CRADD: variants seen among roughly 807,000 people sequenced by gnomAD.
CRADD encodes death domain-containing protein CRADD.
A neutral mutation model predicts 15.5 loss-of-function variants in CRADD; 9 were observed. The ratio of observed to expected loss-of-function variants is 0.58; its 90% CI spans 0.35 to 1.01. The LOEUF (loss-of-function observed/expected upper bound fraction) is 1.01, where lower values mean the gene tolerates loss of function less well. Among genes scored for constraint, CRADD ranks in the 50% least tolerant of loss-of-function variants. CRADD has a pLI of 0.02. For synonymous variants in CRADD, 118 were observed against 107.6 expected (o/e 1.10, Z -0.60); for missense variants, 227 against 250.3 (o/e 0.91, Z 0.63).
chr12:93,685,942 G>A (rs938119749), intron 2 of CRADD, among the ~76,000 whole-genome samples: 5 of 152,092 alleles, frequency 3.3e-5, no homozygotes, highest in African/African-American at 1.2e-4. Context: ...GTAGTGAGCT[G>A]AGATCGCGCC....
At chr12:93,698,423 A>G (rs1955763918) in intron 2 of CRADD, among the ~76,000 whole-genome samples, 1 of 152,212 alleles carries the variant, frequency 6.6e-6, no homozygotes, top group Admixed American at 6.5e-5. Flanking sequence ...AACTTGAAGT[A>G]GTCTTTTCAA....
At chr12:93,858,197 G>C (rs770760910) in intron 2 of CRADD, among the ~76,000 whole-genome samples, 7 of 152,184 alleles carry the variant, frequency 4.6e-5, no homozygotes, top group Non-Finnish European at 1.0e-4. Flanking sequence ...CCTTATGAAA[G>C]TGTGAAAGAC....
intron 2 of CRADD, among the ~76,000 whole-genome samples, chr12:93,781,578 C>G (rs1957210298): frequency 6.6e-6 from 1 of 152,164 alleles, no homozygotes; most frequent in Non-Finnish European, 1.5e-5. Context: ...CTCCATATCA[C>G]TAAAAGTGGA....
intron 2 of CRADD, among the ~76,000 whole-genome samples, chr12:93,700,109 C>G (rs1412798996): frequency 2.0e-5 from 3 of 152,160 alleles, no homozygotes; most frequent in African/African-American, 7.2e-5. Context: ...TCCCTGACAT[C>G]TCAGGATGCC....
intron 2 of CRADD, among the ~76,000 whole-genome samples, chr12:93,731,141 T>C (rs1174498202): frequency 3.3e-5 from 5 of 152,250 alleles, no homozygotes; most frequent in African/African-American, 4.8e-5. Context: ...GAAAAAAGTC[T>C]GGGGAGGCTG....
At chr12:93,750,368 G>T (rs778255707) in intron 2 of CRADD, among the ~76,000 whole-genome samples, 1 of 152,098 alleles carries the variant, frequency 6.6e-6, no homozygotes, top group Non-Finnish European at 1.5e-5. Context: ...AAGACCTAAG[G>T]CTCATCTGAT....
chr12:93,828,856 A>G (rs997056359), intron 2 of CRADD, among the ~76,000 whole-genome samples: 1 of 152,162 alleles, frequency 6.6e-6, no homozygotes, highest in African/African-American at 2.4e-5. Flanking sequence ...GTCAATTTCT[A>G]TTTTTAAAAA....
At chr12:93,880,562 C>T (rs538071818) in intron 2 of CRADD, among the ~76,000 whole-genome samples, 16 of 152,224 alleles carry the variant, frequency 1.1e-4, no homozygotes, top group South Asian at 8.3e-4. Flanking sequence ...TCCCCTAATC[C>T]GTGTGACTTT....
intron 2 of CRADD, among the ~76,000 whole-genome samples, chr12:93,761,619 C>G (rs1021052367): frequency 1.3e-5 from 2 of 152,056 alleles, no homozygotes; most frequent in African/African-American, 2.4e-5. Flanking sequence ...ATCCTGGGCT[C>G]CTAGAAGACA....
chr12:93,862,783 C>G (rs1310697336), intron 2 of CRADD, among the ~76,000 whole-genome samples: 1 of 152,154 alleles, frequency 6.6e-6, no homozygotes, highest in Non-Finnish European at 1.5e-5. Context: ...AACCTCTCTT[C>G]CATGACACCA....
chr12:93,717,128 G>A (rs1196358245), intron 2 of CRADD, among the ~76,000 whole-genome samples: 2 of 152,174 alleles, frequency 1.3e-5, no homozygotes, highest in Non-Finnish European at 2.9e-5. Context: ...AATGATATAT[G>A]ATGTTGAACA....
At chr12:93,878,282 G>T (rs1224052449) in intron 2 of CRADD, among the ~76,000 whole-genome samples, 1 of 152,158 alleles carries the variant, frequency 6.6e-6, no homozygotes. Context: ...AATGTCATCT[G>T]GGAGCAAGGA....
intron 2 of CRADD, among the ~76,000 whole-genome samples, chr12:93,784,825 A>C (rs1957258796): frequency 3.3e-5 from 5 of 152,250 alleles, no homozygotes; most frequent in Admixed American, 3.3e-4. Context: ...GAAAGAAAGT[A>C]GGTCAGCAAT....
chr12:93,816,461 A>G (rs557948708), intron 2 of CRADD, among the ~76,000 whole-genome samples: 233 of 147,406 alleles, frequency 1.6e-3, no homozygotes, highest in African/African-American at 5.3e-3. Context: ...TCCTGACCTC[A>G]AGTCATCTGC....
chr12:93,882,521 A>G (rs1425894173), intron 2 of CRADD, among the ~76,000 whole-genome samples: 1 of 151,848 alleles, frequency 6.6e-6, no homozygotes, highest in East Asian at 1.9e-4. Context: ...TTAAACACTC[A>G]TACATAGCTA....
intron 2 of CRADD, among the ~76,000 whole-genome samples, chr12:93,679,630 AT>A (rs1292130120): frequency 3.9e-5 from 6 of 152,292 alleles, no homozygotes; most frequent in African/African-American, 1.4e-4. Flanking sequence ...AGCTCAGAGA[AT>A]GCATTTAGAA....
At chr12:93,713,614 T>C (rs1207580771) in intron 2 of CRADD, among the ~76,000 whole-genome samples, 1 of 151,720 alleles carries the variant, frequency 6.6e-6, no homozygotes, top group Non-Finnish European at 1.5e-5. Flanking sequence ...TTTGTTTGTT[T>C]TCTTAACGTT....
intron 2 of CRADD, among the ~76,000 whole-genome samples, chr12:93,839,595 C>T (rs943542295): frequency 6.6e-6 from 1 of 152,216 alleles, no homozygotes; most frequent in Non-Finnish European, 1.5e-5. Context: ...CATCACGTCC[C>T]AGCCTAAGCT....
intron 2 of CRADD, among the ~76,000 whole-genome samples, chr12:93,694,005 CA>C (rs1193499149): frequency 6.6e-6 from 1 of 151,990 alleles, no homozygotes; most frequent in Non-Finnish European, 1.5e-5. Context: ...ACTTTGATAT[CA>C]AAGCTAGATA....
Sources: allele counts gnomAD v4.1 joint callset (sites outside exome capture counted in the v4.1 genomes callset), GRCh38; gene constraint gnomAD v4.1.1; transcripts MANE v1.5; gene names NCBI Gene and HGNC (gene_info 2026-07-23, HGNC 2026-07-21).